Variants in SLC45A4 observed in about 807,000 individuals in gnomAD.
The protein encoded by SLC45A4 is polyamine-transporter SLC45A4.
A neutral mutation model predicts 63.7 loss-of-function variants in SLC45A4; 32 were observed. That is an observed-to-expected ratio of 0.50 (90% CI 0.38 to 0.67). The LOEUF is 0.67. Ranked by LOEUF, SLC45A4 falls within the 30% of genes least tolerant of loss-of-function variation. SLC45A4 has a pLI of 0.00. For synonymous variants in SLC45A4, 535 were observed against 510.0 expected (o/e 1.05, Z -0.66); for missense variants, 1,027 against 1,157.7 (o/e 0.89, Z 1.64).
At chr8:141,230,353 G>C (rs1368881641) in intron 2 of SLC45A4, 11 of 346,950 alleles carry the variant, frequency 3.2e-5, no homozygotes, top group Non-Finnish European at 6.2e-5. Flanking sequence ...TCTCAGGACA[G>C]AAGGCAGAGA....
In SLC45A4 at chr8:141,207,373, C is replaced by T. The variant is rs902190448; in HGVS notation, c.*4199G>A. On this transcript the variant is annotated 3_prime_UTR_variant, in exon 9 of 9. Transcript: ENST00000517878. ...CCTAAGGGCTCTGTGTACACACAGA[C>T]ACAAACATGAGGCCACTGTTACCCA... 6.6e-6 allele frequency: 1 copy of T among 152,240 alleles called. No homozygotes were observed. Among genetic ancestry groups the T allele is most frequent in the Non-Finnish European group, 1.5e-5 (1 of 68,078 alleles). 9.4% of individuals were successfully genotyped at this position (152,240 alleles called of 1,614,324 possible).
intron 2 of SLC45A4, among the ~76,000 whole-genome samples, chr8:141,232,042 A>G (rs1205419278): frequency 1.3e-5 from 2 of 151,774 alleles, no homozygotes; most frequent in African/African-American, 4.8e-5. Flanking sequence ...GCCAGGCCCC[A>G]CACGCCAAGT....
Position 141,221,660 on chromosome 8 carries a change from C to T in SLC45A4, c.347G>A (p.Trp116Ter). ...GSASDRCTLSWGRRRPFILAL... is the reference protein window; with the variant it reads ...GSASDRCTLS ...GAGGATGAAGGGCCGCCGGCGGCCC[C>T]AGCTCAGGGTGCACCGGTCACTCGC... Residue 116 changes from tryptophan (W) to a stop codon, truncating the protein, a stop_gained, in exon 3 of 9, where the codon TGG (tryptophan) becomes TAG (stop). Coordinates refer to ENST00000517878, the MANE Select transcript of SLC45A4 (RefSeq NM_001286646.2). LOFTEE classifies it high-confidence loss of function. 1.9e-6 allele frequency: 3 copies of T among 1,614,118 alleles called. No homozygotes were observed. The highest frequency in any genetic ancestry group is 1.7e-6 in the Non-Finnish European group (2 of 1,180,044).
In SLC45A4 at chr8:141,254,824, C is replaced by G. The variant is rs922701115; in HGVS notation, c.-400-195G>C. On this transcript the variant is annotated intron_variant, in intron 1 of 8. Transcript: ENST00000517878. This position sits in a 1 kb window ranked among gnomAD's most constrained non-coding sequence, Gnocchi z 4.5. ...CTTTCTAGAAAAACATTTTCTCATACGAAAGTGAATCCTGGGGAAGGACAA... is the reference window on the plus strand; with the variant it reads ...CTTTCTAGAAAAACATTTTCTCATAGGAAAGTGAATCCTGGGGAAGGACAA... The G allele has an allele frequency of 4.7e-5, 24 of 514,680 alleles. No individual in the cohort carries two copies. Among genetic ancestry groups the G allele is most frequent in the African/African-American group, 7.6e-5 (4 of 52,538 alleles). 31.9% of individuals were successfully genotyped at this position (514,680 alleles called of 1,614,324 possible).
Position 141,217,172 on chromosome 8 carries a change from G to A in SLC45A4, c.1647C>T (p.Thr549=), listed in dbSNP as rs61995889. 2,043 of 1,613,760 alleles carry A rather than the reference G, an allele frequency of 1.3e-3. 22 individuals carry two copies. The African/African-American group carries it at 0.024, about 19-fold the overall frequency. The stretch of plus-strand genomic sequence containing the variant: ...CCCCGGCGTTGTAGGCTTGCCAGGC[G>A]GTCGAGTTCGAGGGGGCCTGTTCCG... ...EGDPKAPSNS[T]AWQAYNAGVK... The change falls in exon 6 of 9, where the codon ACC becomes ACT. Residue 549 remains threonine, a synonymous_variant. Coordinates refer to ENST00000517878, the MANE Select transcript of SLC45A4 (RefSeq NM_001286646.2).
rs1827107564 is a variant in SLC45A4, at chr8:141,227,835, C to G, written c.242-6070G>C. On this transcript the variant is annotated intron_variant, in intron 2 of 8. Transcript: ENST00000517878. This position sits in a 1 kb window ranked among gnomAD's most constrained non-coding sequence, Gnocchi z 4.4. ...CCGTCATTTAGGGTGGAGGGGACAGCAGCACCTTGAGTGTTCTCACATGTG... is the reference window on the plus strand; with the variant it reads ...CCGTCATTTAGGGTGGAGGGGACAGGAGCACCTTGAGTGTTCTCACATGTG... Among the ~76,000 whole-genome samples, 1 of 152,204 alleles carries G rather than the reference C, an allele frequency of 6.6e-6. No individual in the cohort carries two copies. Among genetic ancestry groups the G allele is most frequent in the South Asian group, 2.1e-4 (1 of 4,828 alleles).
chr8:141,280,537 G>A (rs2154615074), intron 1 of SLC45A4, among the ~76,000 whole-genome samples: 1 of 152,322 alleles, frequency 6.6e-6, no homozygotes, highest in Middle Eastern at 3.4e-3. Flanking sequence ...CGGGGCCCCT[G>A]CAACATGGTG....
chr8:141,306,303 T>C (rs979903377), intron 1 of SLC45A4, among the ~76,000 whole-genome samples: 2 of 152,240 alleles, frequency 1.3e-5, no homozygotes, highest in African/African-American at 4.8e-5. Flanking sequence ...TTCTTTCCTT[T>C]ACAGCCACTG....
At chr8:141,293,881 C>T (rs750235736) in intron 1 of SLC45A4, among the ~76,000 whole-genome samples, 1 of 150,454 alleles carries the variant, frequency 6.6e-6, no homozygotes, top group Admixed American at 6.6e-5. Flanking sequence ...TGCAGTGAGC[C>T]GAGATAGTGT....
At chr8:141,283,906 T>C (rs1351133513) in intron 1 of SLC45A4, among the ~76,000 whole-genome samples, 1 of 152,166 alleles carries the variant, frequency 6.6e-6, no homozygotes, top group Non-Finnish European at 1.5e-5. Flanking sequence ...GCACATGAGC[T>C]CTACGGAAGG....
rs1826375033 is a variant in SLC45A4 at position 141,218,739 on chromosome 8, C to G, written c.901G>C (p.Asp301His). Residue 301 changes from aspartate to histidine, a missense_variant, in exon 5 of 9, where the codon GAC becomes CAC. Transcript: ENST00000517878. ...GAGTCGCTTTTGCTGCGCATGATGT[C>G]CACGTCCGGGTAGTCCAGGGCCAGC... Reference protein sequence around the residue: ...HELALDYPDVDIMRSKSDSAL... With the variant: ...HELALDYPDVHIMRSKSDSAL... 2 of 1,612,134 alleles carry G rather than the reference C, an allele frequency of 1.2e-6. No homozygotes were observed. The highest frequency in any genetic ancestry group is 1.7e-6 in the Non-Finnish European group (2 of 1,179,308).
chr8:141,305,025 C>G (rs1412856780), intron 1 of SLC45A4, among the ~76,000 whole-genome samples: 1 of 152,156 alleles, frequency 6.6e-6, no homozygotes, highest in Non-Finnish European at 1.5e-5. Flanking sequence ...TCGGCAGGCC[C>G]TCTCCTGATT....
At position 141,208,844 on chromosome 8, in the gene SLC45A4, A is replaced by C. The variant is rs1189772332; in HGVS notation, c.*2728T>G. The C allele has an allele frequency of 6.6e-6, 1 of 152,276 alleles. No individual in the cohort carries two copies. Among genetic ancestry groups the C allele is most frequent in the African/African-American group, 2.4e-5 (1 of 41,466 alleles). 9.4% of individuals were successfully genotyped at this position (152,276 alleles called of 1,614,324 possible). Reference sequence around the variant, plus strand: ...CATGTGTTAAGGGGAAGCTCGTTAAAAGAGTCTTTACTTAGCTGACTTGTA... The same window carrying C: ...CATGTGTTAAGGGGAAGCTCGTTAACAGAGTCTTTACTTAGCTGACTTGTA... On this transcript the variant is annotated 3_prime_UTR_variant, in exon 9 of 9. Coordinates refer to ENST00000517878, the MANE Select transcript of SLC45A4 (RefSeq NM_001286646.2).
At chr8:141,245,033 G>A (rs1401842998) in intron 2 of SLC45A4, among the ~76,000 whole-genome samples, 1 of 145,432 alleles carries the variant, frequency 6.9e-6, no homozygotes, top group South Asian at 2.3e-4. Context: ...CTGCCCCACT[G>A]AGTGACTTTT....
At chr8:141,274,429 G>C (rs1434037374) in intron 1 of SLC45A4, among the ~76,000 whole-genome samples, 2 of 151,758 alleles carry the variant, frequency 1.3e-5, no homozygotes, top group African/African-American at 2.4e-5. Context: ...AGGTACTCGG[G>C]AGGCTGAGGC....
intron 2 of SLC45A4, among the ~76,000 whole-genome samples, chr8:141,249,155 C>T (rs80331480): frequency 0.034 from 5,196 of 152,212 alleles, 193 homozygotes; most frequent in Admixed American, 0.12. Context: ...AACTGTCCTA[C>T]GCTGCAGTGG....
intron 1 of SLC45A4, among the ~76,000 whole-genome samples, chr8:141,259,296 G>A (rs1828949913): frequency 6.6e-6 from 1 of 152,228 alleles, no homozygotes; most frequent in Non-Finnish European, 1.5e-5. Flanking sequence ...CACGCCTTGG[G>A]ACACTGCTGA....
At chr8:141,262,080 A>G (rs1349657240) in intron 1 of SLC45A4, among the ~76,000 whole-genome samples, 9 of 151,974 alleles carry the variant, frequency 5.9e-5, no homozygotes, top group Admixed American at 3.3e-4. Context: ...ACAACCATCT[A>G]ATCTTTGACA....
intron 2 of SLC45A4, among the ~76,000 whole-genome samples, chr8:141,252,050 A>T (rs1828493028): frequency 6.7e-6 from 1 of 148,910 alleles, no homozygotes; most frequent in Non-Finnish European, 1.5e-5. Context: ...ATCAACAAAC[A>T]TCCCTAAAAC....
Sources: gnomAD v4.1 joint callset for allele counts (sites outside exome capture counted in the v4.1 genomes callset) on GRCh38, gnomAD v4.1.1 for gene constraint, Gnocchi (gnomAD v3.1) non-coding constraint, MANE v1.5 for transcripts, NCBI Gene and HGNC (gene_info 2026-07-23, HGNC 2026-07-21) for gene names.